Variants in TGFBR3 observed in about 807,000 individuals in gnomAD.
TGFBR3 encodes transforming growth factor beta receptor 3, also known as transforming growth factor beta receptor type 3.
Under a neutral mutation model 87.9 loss-of-function variants are expected in TGFBR3, and 46 were observed. The ratio of observed to expected loss-of-function variants is 0.52; its 90% CI spans 0.41 to 0.67. The LOEUF (loss-of-function observed/expected upper bound fraction) is 0.67, where lower values mean the gene tolerates loss of function less well. TGFBR3 is among the 30% of genes least tolerant of loss of function. The pLI is 0.00. For missense variants in TGFBR3, 866 were observed against 1,041.9 expected, an observed-to-expected ratio of 0.83 and a Z score of 2.32; for synonymous variants, 381 against 391.6, an observed-to-expected ratio of 0.97 and a Z score of 0.32.
At chr1:91,725,582 T>C (rs1298610022) in intron 7 of TGFBR3, among the ~76,000 whole-genome samples, 2 of 152,158 alleles carry the variant, frequency 1.3e-5, no homozygotes, top group South Asian at 2.1e-4. Flanking sequence ...GTGCTTTAGG[T>C]GAAATATCCT....
At chr1:91,876,159 G>A (rs1678799638) in intron 1 of TGFBR3, among the ~76,000 whole-genome samples, 1 of 152,034 alleles carries the variant, frequency 6.6e-6, no homozygotes. Context: ...TAAATGGGAG[G>A]TGAGAAGAAA....
At chr1:91,827,327 C>T (rs149138637) in intron 2 of TGFBR3, among the ~76,000 whole-genome samples, 1 of 152,276 alleles carries the variant, frequency 6.6e-6, no homozygotes, top group Non-Finnish European at 1.5e-5. Context: ...CACTGACTTA[C>T]TGACAAGACA....
chr1:91,707,379 G>A (rs1262014474), intron 14 of TGFBR3, among the ~76,000 whole-genome samples: 2 of 152,234 alleles, frequency 1.3e-5, no homozygotes, highest in Non-Finnish European at 2.9e-5. Context: ...TTTCACAGAG[G>A]TTAGTCAACC....
At chr1:91,852,320 G>A (rs1677767819) in intron 2 of TGFBR3, among the ~76,000 whole-genome samples, 1 of 152,082 alleles carries the variant, frequency 6.6e-6, no homozygotes, top group Non-Finnish European at 1.5e-5. Context: ...GTCCATACAG[G>A]GCAAGGGAAT....
chr1:91,836,308 TA>T (rs1459705171), intron 2 of TGFBR3, among the ~76,000 whole-genome samples: 1 of 152,142 alleles, frequency 6.6e-6, no homozygotes, highest in African/African-American at 2.4e-5. Context: ...AGAAATAACC[TA>T]AAACTTAACA....
At chr1:91,868,758 A>T (rs912507779) in intron 1 of TGFBR3, among the ~76,000 whole-genome samples, 1 of 152,232 alleles carries the variant, frequency 6.6e-6, no homozygotes, top group African/African-American at 2.4e-5. Flanking sequence ...GGCCCTAGCA[A>T]GCACCTGGCC....
chr1:91,794,205 C>CT (rs35802375), intron 3 of TGFBR3, among the ~76,000 whole-genome samples: 57,755 of 147,888 alleles, frequency 0.39, 11,348 homozygotes, highest in East Asian at 0.52. Flanking sequence ...TCTCCTCCAC[C>CT]TTTTTTTTTT....
intron 13 of TGFBR3, among the ~76,000 whole-genome samples, chr1:91,709,391 C>T (rs1248052270): frequency 1.3e-5 from 2 of 152,194 alleles, no homozygotes; most frequent in Non-Finnish European, 2.9e-5. Flanking sequence ...TTGAATAGCT[C>T]ACATAATTTA....
chr1:91,825,741 G>A (rs1676610024), intron 2 of TGFBR3, among the ~76,000 whole-genome samples: 1 of 152,182 alleles, frequency 6.6e-6, no homozygotes, highest in African/African-American at 2.4e-5. Flanking sequence ...AGCACTTTGG[G>A]AGGCCAAGGC....
intron 3 of TGFBR3, among the ~76,000 whole-genome samples, chr1:91,795,170 C>A (rs1464602391): frequency 6.6e-6 from 1 of 152,172 alleles, no homozygotes. Flanking sequence ...AATCAGTTAT[C>A]CCAAAATCTT....
chr1:91,739,588 A>T (rs1489579534), intron 4 of TGFBR3, among the ~76,000 whole-genome samples: 1 of 152,218 alleles, frequency 6.6e-6, no homozygotes, highest in Admixed American at 6.5e-5. Flanking sequence ...TAACCTGAGC[A>T]CATTAGCAGT....
intron 1 of TGFBR3, among the ~76,000 whole-genome samples, chr1:91,870,044 A>G (rs114425215): frequency 0.012 from 1,773 of 152,362 alleles, 30 homozygotes; most frequent in African/African-American, 0.03. Context: ...ACTTGGCAAC[A>G]TAAGAATAAA....
chr1:91,685,588 C>T (rs1407167552), intron 16 of TGFBR3, among the ~76,000 whole-genome samples: 9 of 152,200 alleles, frequency 5.9e-5, no homozygotes, highest in African/African-American at 2.2e-4. Flanking sequence ...TTCCATAGTG[C>T]TGGGATTACA....
intron 2 of TGFBR3, among the ~76,000 whole-genome samples, chr1:91,808,526 C>T (rs573848258): frequency 8.5e-5 from 13 of 152,250 alleles, no homozygotes; most frequent in African/African-American, 2.6e-4. Context: ...AGCACAGTGG[C>T]GCAATCTCAA....
rs112378998 is a variant in TGFBR3 at position 91,901,748 on chromosome 1, TA to T, written c.-174-2052del. ...GGACAACATAGCAAGACCTGGTGCT[TA>T]AAAAAAAAAAAAAGTTAGCCAGACA... On this transcript the variant is annotated intron_variant, in intron 1 of 17. Coordinates refer to the TGFBR3 transcript ENST00000370399. 4.8e-3 allele frequency among the ~76,000 whole-genome samples: 687 copies of T among 143,814 alleles called. 3 individuals are homozygous for T. Among genetic ancestry groups the T allele is most frequent in the African/African-American group, 0.013 (519 of 38,862 alleles). 94.3% of individuals were successfully genotyped at this position (143,814 alleles called of 152,430 possible). A position where few individuals can be genotyped will look rare whatever the true frequency, so the allele number is the denominator to read the frequency against.
upstream of TGFBR3, among the ~76,000 whole-genome samples, chr1:91,888,073 G>A (rs897536698): frequency 6.6e-6 from 1 of 152,132 alleles, no homozygotes; most frequent in African/African-American, 2.4e-5. Context: ...TCTTGGGGAT[G>A]AGTTTTTCCT....
intron 1 of TGFBR3, chr1:91,861,857 C>CTT (rs11414154): frequency 0.39 from 96,264 of 246,606 alleles, 16,683 homozygotes; most frequent in Admixed American, 0.45. Context: ...TTGTTATTGG[C>CTT]TTTTTTTTTT....
At chr1:91,689,321 A>G (rs1257378123) in intron 16 of TGFBR3, among the ~76,000 whole-genome samples, 1 of 152,210 alleles carries the variant, frequency 6.6e-6, no homozygotes, top group Non-Finnish European at 1.5e-5. Context: ...GTGTGCCTGT[A>G]GCTGGGTTTC....
At chr1:91,859,680 C>T (rs1341485745) in intron 2 of TGFBR3, among the ~76,000 whole-genome samples, 1 of 151,958 alleles carries the variant, frequency 6.6e-6, no homozygotes, top group African/African-American at 2.4e-5. Flanking sequence ...AATCCCAGCA[C>T]TTTGGGAGGC....
Sources: gnomAD v4.1 joint callset for allele counts (sites outside exome capture counted in the v4.1 genomes callset) on GRCh38, gnomAD v4.1.1 for gene constraint, MANE v1.5 for transcripts, NCBI Gene and HGNC (gene_info 2026-07-23, HGNC 2026-07-21) for gene names.